The following ASAH1 variants were observed in gnomAD, a reference collection of about 807,000 sequenced individuals.
ASAH1 encodes the protein acid ceramidase.
A neutral mutation model predicts 59.5 loss-of-function variants in ASAH1; 70 were observed. That is an observed-to-expected ratio of 1.18 (90% CI 0.97 to 1.43). The LOEUF is 1.43. ASAH1 is among the 40% of genes most tolerant of loss of function. The pLI is 0.00. For synonymous variants in ASAH1, 213 were observed against 166.5 expected (o/e 1.28, Z -2.15); for missense variants, 660 against 482.5 (o/e 1.37, Z -3.45).
intron 9 of ASAH1, 95 bp downstream of exon 9, chr8:18,061,591 G>A (rs1009488814): frequency 7.0e-5 from 103 of 1,464,478 alleles, no homozygotes; most frequent in Middle Eastern, 1.7e-4. Context: ...GTCGGGAACC[G>A]GAAGAGGTTG....
chr8:18,061,120 G>A (rs1799678245), intron 10 of ASAH1: 6 of 348,846 alleles, frequency 1.7e-5, no homozygotes, highest in Non-Finnish European at 2.7e-5. Context: ...TTTTTTTTCT[G>A]TACACCAAAA....
chr8:18,063,386 C>T (rs1383342890), intron 6 of ASAH1, 156 bp from the exon 7 acceptor site: 1 of 700,986 alleles, frequency 1.4e-6, no homozygotes, highest in Non-Finnish European at 2.5e-6. Context: ...TCACTGCGAC[C>T]TCTGCCTCCC....
At chr8:18,064,415 G>A (rs748714774) in intron 6 of ASAH1, 42 bp downstream of exon 6, 6 of 1,400,966 alleles carry the variant, frequency 4.3e-6, no homozygotes, top group Non-Finnish European at 6.0e-6. Context: ...TTTTCTTTAT[G>A]TAGTGCTTCA....
intron 5 of ASAH1, 120 bp downstream of exon 5, chr8:18,067,100 T>TGCACCTGTGCTGTATATCTAAGACGTACA (rs1564542760): frequency 1.9e-6 from 1 of 524,524 alleles, no homozygotes; most frequent in East Asian, 3.4e-5. Flanking sequence ...CTAAGACCTG[T>TGCACCTGTGCTGTATATCTAAGACGTACA]GCACCTGTGC....
In ASAH1 at chr8:18,061,432, T is replaced by G; in HGVS notation, c.730A>C (p.Lys244Gln). The change falls in exon 10 of 14, where the codon AAA (lysine) becomes CAA (glutamine). Residue 244 changes from lysine (K) to glutamine (Q), a missense_variant. Lys to Gln is a moderately conservative substitution (Grantham distance 53). Coordinates refer to ENST00000637790, the MANE Select transcript of ASAH1 (RefSeq NM_177924.5). ...AGGAACCCTATCCACATGACATCTT[T>G]CTTTCCCAGAATCCATTCTAGAATA... ...LGILEWILGK[K>Q]DVMWIGFLTR... 1 of 1,612,940 alleles carries G rather than the reference T, an allele frequency of 6.2e-7. No individual in the cohort carries two copies. Among genetic ancestry groups the G allele is most frequent in the Non-Finnish European group, 8.5e-7 (1 of 1,178,846 alleles).
intron 1 of ASAH1, among the ~76,000 whole-genome samples, chr8:18,079,684 G>A (rs1285023686): frequency 6.6e-6 from 1 of 152,176 alleles, no homozygotes; most frequent in Admixed American, 6.5e-5. Flanking sequence ...CATACCTCAT[G>A]TCAGTTTTCA....
chr8:18,061,527 G>C, intron 9 of ASAH1, 69 bp from the exon 10 acceptor site: 1 of 1,459,430 alleles, frequency 6.9e-7, no homozygotes, highest in Non-Finnish European at 9.6e-7. Context: ...GGACCCGGAA[G>C]AGGCTGGACT....
intron 6 of ASAH1, chr8:18,064,060 C>A: frequency 3.2e-6 from 1 of 307,808 alleles, no homozygotes; most frequent in Non-Finnish European, 6.0e-6. Context: ...GGTTGCCTGG[C>A]TGGGAAAGGA....
chr8:18,082,926 C>A (rs1247251011), intron 1 of ASAH1, among the ~76,000 whole-genome samples: 35 of 152,118 alleles, frequency 2.3e-4, no homozygotes, highest in Admixed American at 2.3e-3. Context: ...GGCCTTTAAT[C>A]GTGTCCACAT....
chr8:18,079,739 C>T (rs1483650274), intron 1 of ASAH1, among the ~76,000 whole-genome samples: 2 of 152,226 alleles, frequency 1.3e-5, no homozygotes, highest in Non-Finnish European at 2.9e-5. Context: ...ATTTTTCATT[C>T]ATTCAATTCT....
intron 4 of ASAH1, 36 bp from the exon 5 acceptor site, chr8:18,067,334 T>C (rs1285751003): frequency 7.8e-7 from 1 of 1,283,458 alleles, no homozygotes; most frequent in Non-Finnish European, 1.1e-6. Context: ...GCATTTAACA[T>C]AATAACAATA....
chr8:18,061,438 C>T lies in ASAH1; in HGVS notation c.724G>A (p.Gly242Arg). The change falls in exon 10 of 14, where the codon GGA becomes AGA. Residue 242 changes from glycine (G) to arginine (R), a missense_variant. Gly to Arg is a moderately radical substitution (Grantham distance 125). Transcript: ENST00000637790. ...CCTATCCACATGACATCTTTCTTTCCCAGAATCCATTCTAGAATACCTGGA... is the reference window on the plus strand; with the variant it reads ...CCTATCCACATGACATCTTTCTTTCTCAGAATCCATTCTAGAATACCTGGA... ...GYLGILEWIL[G>R]KKDVMWIGFL... 6.2e-7 allele frequency: 1 copy of T among 1,612,680 alleles called. No individual in the cohort carries two copies. The highest frequency in any genetic ancestry group is 2.2e-5 in the East Asian group (1 of 44,878).
At chr8:18,084,715 G>A, upstream of ASAH1, 2 of 1,613,754 alleles carry the variant, frequency 1.2e-6, no homozygotes, top group African/African-American at 2.7e-5. Flanking sequence ...CCAGAATTGA[G>A]GCCTCGGTGA....
intron 8 of ASAH1, 169 bp from the exon 9 acceptor site, chr8:18,061,909 T>C (rs1048144342): frequency 1.4e-6 from 1 of 726,130 alleles, no homozygotes. Context: ...GCATTTTTGA[T>C]TCTAGTATGT....
rs151119606 is a variant in ASAH1 at position 18,069,704 on chromosome 8, C to T, written c.303+88G>A. 7,079 of 947,442 alleles carry T rather than the reference C, an allele frequency of 7.5e-3. 68 individuals carry two copies. The highest frequency in any genetic ancestry group is 0.016 in the South Asian group (1,146 of 73,164). 58.7% of individuals were successfully genotyped at this position (947,442 alleles called of 1,614,324 possible). A position where few individuals can be genotyped will look rare whatever the true frequency, so the allele number is the denominator to read the frequency against. ...TCATGCAGATTTGCCCAAGTCCCTG[C>T]GAAGAGGTTGCTGAATTATGCCTTT... On this transcript the variant is annotated intron_variant, in intron 4 of 13. Coordinates refer to ENST00000637790, the MANE Select transcript of ASAH1 (RefSeq NM_177924.5).
In ASAH1 at chr8:18,063,090, G is replaced by C. The variant is rs982870624; in HGVS notation, c.503+95C>G. 4 of 1,190,784 alleles carry C rather than the reference G, an allele frequency of 3.4e-6. No individual in the cohort carries two copies. In the African/African-American group the frequency reaches 4.5e-5, roughly 13 times the overall value. The allele number at this position is 1,190,784 out of a possible 1,614,324, so 73.8% of individuals were successfully genotyped here. On this transcript the variant is annotated intron_variant, in intron 7 of 13. Transcript: ENST00000637790. ...TCACCATCTTGGCCAGGCTGGTCTTGAACTCCTGACCTCGTGATCCACCCG... is the reference window on the plus strand; with the variant it reads ...TCACCATCTTGGCCAGGCTGGTCTTCAACTCCTGACCTCGTGATCCACCCG...
chr8:18,068,137 T>A (rs1232107827), intron 4 of ASAH1: 1 of 152,220 alleles, frequency 6.6e-6, no homozygotes, highest in Admixed American at 6.5e-5. Flanking sequence ...GTATGTCATT[T>A]AACCCTTACA....
intron 12 of ASAH1, 168 bp from the exon 13 acceptor site, chr8:18,059,059 T>A: frequency 1.4e-6 from 1 of 700,092 alleles, no homozygotes; most frequent in South Asian, 1.9e-5. Flanking sequence ...GTAACAGTTT[T>A]AATGGATTAC....
chr8:18,071,078 G>A (rs1342250613), intron 3 of ASAH1, among the ~76,000 whole-genome samples: 2 of 151,868 alleles, frequency 1.3e-5, no homozygotes, highest in African/African-American at 2.4e-5. Flanking sequence ...ATGGTGGCAG[G>A]TGCCTGTAAT....
Sources: allele counts gnomAD v4.1 joint callset (sites outside exome capture counted in the v4.1 genomes callset), GRCh38; gene constraint gnomAD v4.1.1; transcripts MANE v1.5; gene names NCBI Gene and HGNC (gene_info 2026-07-23, HGNC 2026-07-21).